The following RAB2A variants were observed in gnomAD, a reference collection of about 807,000 sequenced individuals.
RAB2A encodes RAB2A, member RAS oncogene family, also known as ras-related protein Rab-2A.
RAB2A carries 7 observed loss-of-function variants against 32.5 expected under a neutral mutation model. That is an observed-to-expected ratio of 0.22 (90% CI 0.12 to 0.40). The LOEUF (loss-of-function observed/expected upper bound fraction) is 0.40, where lower values mean the gene tolerates loss of function less well. Ranked by LOEUF, RAB2A falls within the 10% of genes least tolerant of loss-of-function variation. The probability of loss-of-function intolerance (pLI) is 1.00; values close to 1 mark genes in which losing one functional copy is unlikely to be tolerated. For synonymous variants in RAB2A, 79 were observed against 85.2 expected (o/e 0.93, Z 0.40); for missense variants, 108 against 260.7 (o/e 0.41, Z 4.03).
At chr8:60,619,457 T>G (rs1394872522) in intron 7 of RAB2A, among the ~76,000 whole-genome samples, 1 of 152,238 alleles carries the variant, frequency 6.6e-6, no homozygotes, top group African/African-American at 2.4e-5. Context: ...GAAGCCATTA[T>G]GTATGTCTCT....
intron 2 of RAB2A, among the ~76,000 whole-genome samples, chr8:60,570,406 T>G (rs968825426): frequency 2.6e-5 from 4 of 152,166 alleles, no homozygotes. Flanking sequence ...ATACTCCTTT[T>G]CAGTACTGAG....
chr8:60,584,842 T>C, intron 5 of RAB2A, 27 bp downstream of exon 5: 2 of 1,510,588 alleles, frequency 1.3e-6, no homozygotes, highest in Non-Finnish European at 1.8e-6. Flanking sequence ...AGAGCTTACA[T>C]TGCATTAGTG....
At position 60,569,256 on chromosome 8, in the gene RAB2A, A is replaced by G. The variant is rs565882756; in HGVS notation, c.119-2790A>G. ...TTTTAATCTCATGACTAAATATAATACAATAGCCTTTTAACTGGTCTCTTT... is the reference window on the plus strand; with the variant it reads ...TTTTAATCTCATGACTAAATATAATGCAATAGCCTTTTAACTGGTCTCTTT... On this transcript the variant is annotated intron_variant, in intron 2 of 7. Transcript: ENST00000262646. Among the ~76,000 whole-genome samples the G allele has an allele frequency of 4.4e-4, 67 of 152,310 alleles. No individual in the cohort carries two copies. The South Asian group carries it at 0.013, about 29-fold the overall frequency.
chr8:60,580,598 C>G (rs1056983903), intron 3 of RAB2A, among the ~76,000 whole-genome samples: 1 of 152,156 alleles, frequency 6.6e-6, no homozygotes, highest in East Asian at 1.9e-4. Flanking sequence ...TAGCTACAGT[C>G]ATAGTCTTCA....
intron 3 of RAB2A, among the ~76,000 whole-genome samples, chr8:60,573,419 A>G (rs1462776086): frequency 6.6e-6 from 1 of 152,210 alleles, no homozygotes; most frequent in Admixed American, 6.5e-5. Context: ...AGACCAAGCA[A>G]GTTGCTGAAG....
chr8:60,546,211 C>T (rs1201393467), intron 1 of RAB2A, among the ~76,000 whole-genome samples: 2 of 152,214 alleles, frequency 1.3e-5, no homozygotes, highest in Admixed American at 6.5e-5. Flanking sequence ...GTAAATAACT[C>T]TCCAAAGTCT....
chr8:60,590,113 C>T (rs1209140289), intron 5 of RAB2A, among the ~76,000 whole-genome samples: 1 of 152,042 alleles, frequency 6.6e-6, no homozygotes. Context: ...AGGCACCCAC[C>T]ATCATACCCA....
chr8:60,558,512 ACTGT>A, intron 1 of RAB2A: 1 of 496,280 alleles, frequency 2.0e-6, no homozygotes, highest in South Asian at 1.5e-5. Context: ...AAATATTTTC[ACTGT>A]AACACAAAAA....
At chr8:60,590,032 G>C (rs1448416319) in intron 5 of RAB2A, among the ~76,000 whole-genome samples, 1 of 151,560 alleles carries the variant, frequency 6.6e-6, no homozygotes, top group Non-Finnish European at 1.5e-5. Flanking sequence ...CGCGATCTCT[G>C]CTCACTGCAA....
At chr8:60,573,725 T>A (rs1244722678) in intron 3 of RAB2A, among the ~76,000 whole-genome samples, 1 of 152,244 alleles carries the variant, frequency 6.6e-6, no homozygotes, top group Non-Finnish European at 1.5e-5. Context: ...TCCTAGAGAT[T>A]TAAAATTAAT....
At chr8:60,544,545 CT>C (rs1807698117) in intron 1 of RAB2A, among the ~76,000 whole-genome samples, 3 of 139,766 alleles carry the variant, frequency 2.1e-5, no homozygotes, top group African/African-American at 8.1e-5. Context: ...TTTTTTTTCC[CT>C]AGTGCCTTTT....
chr8:60,572,113 G>A lies in RAB2A; in HGVS notation c.186G>A (p.Thr62=), dbSNP rs967525385. ...AGATAAAACTTCAGATATGGGATAC[G>A]GTAAGTATAGGAAAAGTGCACTGTA... The part of the protein sequence containing the change: ...GKQIKLQIWD[T]AGQESFRSIT... Residue 62 remains threonine (T), a splice_region_variant and synonymous_variant, in exon 3 of 8, where the codon ACG becomes ACA. Coordinates refer to ENST00000262646, the MANE Select transcript of RAB2A (RefSeq NM_002865.3). The A allele has an allele frequency of 1.9e-6, 3 of 1,596,670 alleles. No homozygotes were observed. Among genetic ancestry groups the A allele is most frequent in the Non-Finnish European group, 2.6e-6 (3 of 1,165,996 alleles).
chr8:60,571,289 T>C (rs983590690), intron 2 of RAB2A, among the ~76,000 whole-genome samples: 3 of 152,226 alleles, frequency 2.0e-5, no homozygotes, highest in African/African-American at 7.2e-5. Context: ...ATTCACTATT[T>C]AGTGAAAATA....
intron 1 of RAB2A, among the ~76,000 whole-genome samples, chr8:60,557,136 C>T (rs1300735717): frequency 6.6e-6 from 1 of 152,104 alleles, no homozygotes; most frequent in Admixed American, 6.5e-5. Flanking sequence ...GACTTTGGGC[C>T]TTTTGTAATA....
chr8:60,554,796 T>A (rs1467793229), intron 1 of RAB2A, among the ~76,000 whole-genome samples: 1 of 151,784 alleles, frequency 6.6e-6, no homozygotes, highest in Non-Finnish European at 1.5e-5. Flanking sequence ...GAGGTTGCAG[T>A]GAGCCGAGAT....
At chr8:60,593,511 AC>A (rs780372294) in intron 6 of RAB2A, among the ~76,000 whole-genome samples, 1 of 152,174 alleles carries the variant, frequency 6.6e-6, no homozygotes, top group Non-Finnish European at 1.5e-5. Context: ...CTGTAGCCAA[AC>A]ATCACAGAAA....
rs35451518 is a variant in RAB2A, at chr8:60,575,653, C to CT, written c.186+3561dup. On this transcript the variant is annotated intron_variant, in intron 3 of 7. Coordinates refer to ENST00000262646, the MANE Select transcript of RAB2A (RefSeq NM_002865.3). ...TTTCTTAGTATCTTAGGATATTTGT[C>CT]TTTTTTTTTTTTTTTTTTTTTGAGA... Among the ~76,000 whole-genome samples, 576 of 113,202 alleles carry CT rather than the reference C, an allele frequency of 5.1e-3. 9 individuals carry two copies. Among genetic ancestry groups the CT allele is most frequent in the East Asian group, 0.01 (39 of 3,896 alleles). The allele number at this position is 113,202 out of a possible 152,430, so 74.3% of individuals were successfully genotyped here.
intron 1 of RAB2A, among the ~76,000 whole-genome samples, chr8:60,534,360 G>A (rs1807526395): frequency 6.6e-6 from 1 of 152,120 alleles, no homozygotes; most frequent in South Asian, 2.1e-4. Flanking sequence ...TAGGAAGGCT[G>A]AGGTAGGAGG....
intron 6 of RAB2A, among the ~76,000 whole-genome samples, chr8:60,617,311 G>A (rs1804462691): frequency 6.6e-6 from 1 of 152,138 alleles, no homozygotes; most frequent in South Asian, 2.1e-4. Context: ...AAGAAGTTGA[G>A]CCGTCTTTTC....
Sources: gnomAD v4.1 joint callset for allele counts (sites outside exome capture counted in the v4.1 genomes callset) on GRCh38, gnomAD v4.1.1 for gene constraint, MANE v1.5 for transcripts, NCBI Gene and HGNC (gene_info 2026-07-23, HGNC 2026-07-21) for gene names.